The following ACLY variants were observed in gnomAD, a reference collection of about 807,000 sequenced individuals.
The protein encoded by ACLY is ATP citrate lyase, also known as ATP-citrate synthase.
In ACLY, 41 loss-of-function variants were observed where a neutral mutation model predicts 133.0. That is an observed-to-expected ratio of 0.31 (90% CI 0.24 to 0.40). ACLY has a LOEUF of 0.40. ACLY is among the 10% of genes least tolerant of loss of function. The pLI, the probability that ACLY is intolerant of heterozygous loss-of-function variation, is 1.00. For missense variants in ACLY, 1,046 were observed against 1,453.8 expected (o/e 0.72, Z 4.56); for synonymous variants, 495 against 549.3 (o/e 0.90, Z 1.38).
chr17:41,872,067 G>A lies in ACLY; in HGVS notation c.2758C>T (p.Leu920=). ...AGCCCCGAGGTGAGGCTGGAGACCA[G>A]GTCTTTCCCAGCTCGCGCACAAATG... ...TIICARAGKD[L]VSSLTSGLLT... The change falls in exon 24 of 29, where the codon CTG becomes TTG. Residue 920 remains leucine (L), a synonymous_variant. Coordinates refer to ENST00000352035, the MANE Select transcript of ACLY (RefSeq NM_001096.3). The A allele has an allele frequency of 1.2e-6, 2 of 1,614,074 alleles. No homozygotes were observed. Among genetic ancestry groups the A allele is most frequent in the Non-Finnish European group, 1.7e-6 (2 of 1,179,976 alleles).
intron 9 of ACLY, among the ~76,000 whole-genome samples, chr17:41,905,036 A>C (rs1265383241): frequency 6.6e-6 from 1 of 152,114 alleles, no homozygotes; most frequent in Non-Finnish European, 1.5e-5. Context: ...CCTAACCAAC[A>C]TCCAAAAATC....
chr17:41,885,935 G>A (rs1395913264), intron 18 of ACLY, among the ~76,000 whole-genome samples, 177 bp downstream of exon 18: 3 of 152,160 alleles, frequency 2.0e-5, no homozygotes, highest in Non-Finnish European at 4.4e-5. Context: ...TGTGTTTTCC[G>A]ATTTCATGCT....
Position 41,886,227 on chromosome 17 carries a change from G to A in ACLY, c.1957C>T (p.Arg653Cys), listed in dbSNP as rs565573136. 5.0e-6 allele frequency: 8 copies of A among 1,614,158 alleles called. No individual in the cohort carries two copies. The highest frequency in any genetic ancestry group is 2.7e-5 in the African/African-American group (2 of 75,042). The change falls in exon 18 of 29, where the codon CGC becomes TGC. Residue 653 changes from arginine to cysteine, a missense_variant. Coordinates refer to ENST00000352035, the MANE Select transcript of ACLY (RefSeq NM_001096.3). ...GAGACATAGGCCACGCTGCCTGGGCGGTACAGTTTGGAGGCCAGGATGTTG... is the reference window on the plus strand; with the variant it reads ...GAGACATAGGCCACGCTGCCTGGGCAGTACAGTTTGGAGGCCAGGATGTTG... ...LDNILASKLY[R>C]PGSVAYVSRS...
chr17:41,923,716 A>T (rs939917197), upstream of ACLY, among the ~76,000 whole-genome samples: 2 of 152,236 alleles, frequency 1.3e-5, no homozygotes, highest in African/African-American at 4.8e-5. Flanking sequence ...TGTGAATGAA[A>T]GAAAGCAATT....
intron 22 of ACLY, among the ~76,000 whole-genome samples, chr17:41,877,625 G>A (rs2048798570): frequency 6.6e-6 from 1 of 152,122 alleles, no homozygotes; most frequent in Admixed American, 6.5e-5. Context: ...AATCCTGGGT[G>A]TGTCTGTGTA....
At chr17:41,913,640 A>T in intron 2 of ACLY, 75 bp downstream of exon 2, 2 of 1,513,394 alleles carry the variant, frequency 1.3e-6, no homozygotes, top group Non-Finnish European at 1.8e-6. Flanking sequence ...TATCGGCATC[A>T]CCAACAAACC....
intron 7 of ACLY, 39 bp from the exon 8 acceptor site, chr17:41,906,685 C>T (rs782415598): frequency 6.3e-7 from 1 of 1,581,648 alleles, no homozygotes. Flanking sequence ...CTTGGGGTAC[C>T]CCCTTTACCA....
At chr17:41,868,832 C>T (rs1555624492) in intron 27 of ACLY, 47 bp from the exon 28 acceptor site, 1 of 1,572,676 alleles carries the variant, frequency 6.4e-7, no homozygotes, top group Non-Finnish European at 8.8e-7. Flanking sequence ...ACGTGACTGC[C>T]CTCCTCCCCA....
chr17:41,916,360 GTTT>G (rs1286651841), intron 1 of ACLY, among the ~76,000 whole-genome samples: 2 of 148,546 alleles, frequency 1.3e-5, no homozygotes, highest in African/African-American at 2.5e-5. Context: ...GAGGTCTTCT[GTTT>G]TTTTGTTTTG....
At chr17:41,883,570 GCTTT>G (rs2048973991) in intron 19 of ACLY, among the ~76,000 whole-genome samples, 1 of 141,414 alleles carries the variant, frequency 7.1e-6, no homozygotes, top group African/African-American at 2.6e-5. Flanking sequence ...TTTAAAAAGC[GCTTT>G]TTTTTTGCTT....
intron 11 of ACLY, among the ~76,000 whole-genome samples, chr17:41,901,430 C>T (rs11870075): frequency 0.037 from 5,563 of 152,192 alleles, 363 homozygotes; most frequent in African/African-American, 0.13. Context: ...CTGTAACCCT[C>T]GTCACCAGCA....
At chr17:41,878,692 G>T in intron 21 of ACLY, 105 bp downstream of exon 21, 4 of 1,414,698 alleles carry the variant, frequency 2.8e-6, no homozygotes, top group South Asian at 2.5e-5. Flanking sequence ...GCTAGACACC[G>T]AGAGGGACCA....
intron 28 of ACLY, 97 bp downstream of exon 28, chr17:41,868,612 A>G (rs1276547180): frequency 1.8e-5 from 13 of 734,976 alleles, no homozygotes; most frequent in Admixed American, 4.3e-5. Flanking sequence ...AAAAAAAAAA[A>G]AAAGAAAGAA....
At chr17:41,895,443 A>G (rs962854406) in intron 14 of ACLY, among the ~76,000 whole-genome samples, 5 of 152,142 alleles carry the variant, frequency 3.3e-5, no homozygotes, top group African/African-American at 7.2e-5. Context: ...GTGTATCCTC[A>G]GCCCACCAGC....
chr17:41,895,219 A>G (rs896561795), intron 14 of ACLY, among the ~76,000 whole-genome samples: 4 of 152,342 alleles, frequency 2.6e-5, no homozygotes, highest in East Asian at 1.9e-4. Context: ...GAGGGAGAAT[A>G]TAAGTGTGAG....
In ACLY at chr17:41,896,661, A is replaced by C. The variant is rs1555630447; in HGVS notation, c.1430-12T>G. 1 of 1,571,082 alleles carries C rather than the reference A, an allele frequency of 6.4e-7. No homozygotes were observed. The highest frequency in any genetic ancestry group is 1.8e-5 in the Admixed American group (1 of 55,368). ...ACTTGGGACTGAATCTGTCAAAGAAAATGACCAAGGCAACTGAGTGACCCA... is the reference window on the plus strand; with the variant it reads ...ACTTGGGACTGAATCTGTCAAAGAACATGACCAAGGCAACTGAGTGACCCA... On this transcript the variant is annotated splice_polypyrimidine_tract_variant and intron_variant, in intron 13 of 28. Transcript: ENST00000352035.
intron 23 of ACLY, 78 bp downstream of exon 23, chr17:41,873,733 C>T: frequency 6.9e-7 from 1 of 1,451,638 alleles, no homozygotes; most frequent in Non-Finnish European, 9.1e-7. Context: ...CAGGCCTGTC[C>T]ACTCCCACCC....
At chr17:41,919,715 A>T (rs1431509305), upstream of ACLY, among the ~76,000 whole-genome samples, 2 of 152,192 alleles carry the variant, frequency 1.3e-5, no homozygotes, top group East Asian at 1.9e-4. Context: ...GCCATCCCAG[A>T]CAGTCTCTTG....
rs781963614 is a variant in ACLY, at chr17:41,886,215, C to G, written c.1969G>C (p.Val657Leu). 1 of 1,614,206 alleles carries G rather than the reference C, an allele frequency of 6.2e-7. No individual in the cohort carries two copies. Among genetic ancestry groups the G allele is most frequent in the Non-Finnish European group, 8.5e-7 (1 of 1,180,024 alleles). ...LASKLYRPGSVAYVSRSGGMS... is the reference protein window; with the variant it reads ...LASKLYRPGSLAYVSRSGGMS... ...CCTCCGGAACGTGAGACATAGGCCA[C>G]GCTGCCTGGGCGGTACAGTTTGGAG... The change falls in exon 18 of 29, where the codon GTG becomes CTG. Residue 657 changes from valine to leucine, a missense_variant. Physicochemically the swap from Val to Leu is conservative, Grantham distance 32. Coordinates refer to ENST00000352035, the MANE Select transcript of ACLY (RefSeq NM_001096.3).
Sources: gnomAD v4.1 joint callset for allele counts (sites outside exome capture counted in the v4.1 genomes callset) on GRCh38, gnomAD v4.1.1 for gene constraint, MANE v1.5 for transcripts, NCBI Gene and HGNC (gene_info 2026-07-23, HGNC 2026-07-21) for gene names.